The following PDIA6 variants were observed in gnomAD, a reference collection of about 807,000 sequenced individuals.
PDIA6 encodes protein disulfide isomerase family A member 6.
In PDIA6, 29 loss-of-function variants were observed where a neutral mutation model predicts 58.4. That is an observed-to-expected ratio of 0.50 (90% CI 0.37 to 0.68). The LOEUF (loss-of-function observed/expected upper bound fraction) is 0.68. Ranked by LOEUF, PDIA6 falls within the 30% of genes least tolerant of loss-of-function variation. The probability of loss-of-function intolerance (pLI) is 0.00; values close to 1 mark genes in which losing one functional copy is unlikely to be tolerated. For synonymous variants in PDIA6, 192 were observed against 202.6 expected, an observed-to-expected ratio of 0.95 and a Z score of 0.44; for missense variants, 480 against 551.0, an observed-to-expected ratio of 0.87 and a Z score of 1.29.
chr2:10,810,105 A>G (rs1666940229), intron 1 of PDIA6: 2 of 597,414 alleles, frequency 3.3e-6, no homozygotes, highest in Non-Finnish European at 6.0e-6. Flanking sequence ...CAAAACAGTA[A>G]CACTTGCGTG....
At chr2:10,818,529 TA>T (rs1278332072) in intron 2 of PDIA6, among the ~76,000 whole-genome samples, 4 of 111,394 alleles carry the variant, frequency 3.6e-5, no homozygotes, top group Admixed American at 8.5e-5. Context: ...TTTATTTATT[TA>T]TTTATTTTGA....
intron 10 of PDIA6, 72 bp downstream of exon 10, chr2:10,788,625 G>T: frequency 9.7e-7 from 1 of 1,028,526 alleles, no homozygotes; most frequent in Middle Eastern, 2.0e-4. Flanking sequence ...CAAAAACACG[G>T]GGGAACCACT....
chr2:10,830,895 C>A (rs1044458470), intron 1 of PDIA6, among the ~76,000 whole-genome samples: 1 of 152,160 alleles, frequency 6.6e-6, no homozygotes. Flanking sequence ...TCTCCTTGGG[C>A]GCTTGGCCAC....
At chr2:10,819,700 A>C (rs1229838645) in intron 1 of PDIA6, among the ~76,000 whole-genome samples, 1 of 151,986 alleles carries the variant, frequency 6.6e-6, no homozygotes, top group Non-Finnish European at 1.5e-5. Flanking sequence ...GGAAAGAGGA[A>C]CCTCCATCCA....
intron 1 of PDIA6, among the ~76,000 whole-genome samples, chr2:10,804,130 G>C (rs1197283952): frequency 6.6e-6 from 1 of 151,536 alleles, no homozygotes; most frequent in Non-Finnish European, 1.5e-5. Context: ...GGATGGTCTC[G>C]ATCTCCTGAC....
intron 1 of PDIA6, among the ~76,000 whole-genome samples, chr2:10,807,521 A>G (rs1558453080): frequency 6.6e-6 from 1 of 151,772 alleles, no homozygotes; most frequent in Admixed American, 6.6e-5. Context: ...CGAAATTTCT[A>G]TCTATTCCTG....
intron 1 of PDIA6, among the ~76,000 whole-genome samples, chr2:10,831,197 G>A (rs1326580656): frequency 6.6e-6 from 1 of 152,216 alleles, no homozygotes; most frequent in Non-Finnish European, 1.5e-5. Flanking sequence ...GTTGATGAGC[G>A]CTGTGACCAC....
chr2:10,810,546 G>C (rs1666960686), intron 1 of PDIA6: 1 of 810,640 alleles, frequency 1.2e-6, no homozygotes, highest in Non-Finnish European at 1.6e-6. Flanking sequence ...TAATGGTGAG[G>C]GACCTTTGTT....
Position 10,812,719 on chromosome 2 carries a change from G to T in PDIA6, c.-23C>A. The T allele has an allele frequency of 6.6e-7, 1 of 1,508,078 alleles. No homozygotes were observed. Among genetic ancestry groups the T allele is most frequent in the Non-Finnish European group, 8.8e-7 (1 of 1,131,032 alleles). 93.4% of individuals were successfully genotyped at this position (1,508,078 alleles called of 1,614,324 possible). ...CATGCCGAGCGCCGGGCTACGTGCA[G>T]TCCCCACCGCCGCCGCCGCTTCAGC... On this transcript the variant is annotated 5_prime_UTR_variant, in exon 1 of 13. The change creates a new upstream start codon in the 5' untranslated region. Transcript: ENST00000272227.
chr2:10,814,801 G>T (rs1667143197), upstream of PDIA6, among the ~76,000 whole-genome samples: 2 of 152,170 alleles, frequency 1.3e-5, no homozygotes, highest in South Asian at 4.1e-4. Context: ...TTTTCTCAGG[G>T]TTGTGAGTTG....
At chr2:10,793,353 C>A in intron 4 of PDIA6, 151 bp from the exon 5 acceptor site, 1 of 596,958 alleles carries the variant, frequency 1.7e-6, no homozygotes, top group South Asian at 2.1e-5. Flanking sequence ...CACACTTTCT[C>A]CCCACAATGC....
In PDIA6 at chr2:10,794,468, C is replaced by CTTT. The variant is rs76574229; in HGVS notation, c.347-1269_347-1267dup. On this transcript the variant is annotated intron_variant, in intron 4 of 12. Coordinates refer to ENST00000272227, the MANE Select transcript of PDIA6 (RefSeq NM_005742.4). ...GTCAAGAAAAAAAAAAAAAATCTTT[C>CTTT]TTTTTTTTTTTTTTTTTTTTTAGAG... Among the ~76,000 whole-genome samples, 233 of 128,726 alleles carry CTTT rather than the reference C, an allele frequency of 1.8e-3. 3 individuals are homozygous for CTTT. The highest frequency in any genetic ancestry group is 7.0e-3 in the African/African-American group (225 of 32,286). The allele number at this position is 128,726 out of a possible 152,430, so 84.4% of individuals were successfully genotyped here.
intron 1 of PDIA6, among the ~76,000 whole-genome samples, chr2:10,831,423 T>G (rs942568749): frequency 6.6e-6 from 1 of 152,184 alleles, no homozygotes; most frequent in South Asian, 2.1e-4. Flanking sequence ...TCCTTCTCCC[T>G]GTAAGCCTCT....
rs571026233 is a variant in PDIA6, at chr2:10,830,008, C to T, written c.-48+2194G>A. Among the ~76,000 whole-genome samples, 6 of 152,344 alleles carry T rather than the reference C, an allele frequency of 3.9e-5. No individual in the cohort carries two copies. The East Asian group carries it at 9.7e-4, about 25-fold the overall frequency. On this transcript the variant is annotated intron_variant, in intron 1 of 13. Transcript: ENST00000381611. ...GGAAGACTTTGCTCTCTGGCTGTCT[C>T]TGCCTAGGATGCTTCTCTGCCCCCC...
upstream of PDIA6, among the ~76,000 whole-genome samples, chr2:10,815,050 A>ACC (rs1667149961): frequency 2.6e-5 from 4 of 152,040 alleles, no homozygotes; most frequent in Admixed American, 2.0e-4. Context: ...CGAGGCACAC[A>ACC]CCCCTGTGAA....
At chr2:10,787,803 G>A (rs550842240) in intron 10 of PDIA6, among the ~76,000 whole-genome samples, 3 of 152,130 alleles carry the variant, frequency 2.0e-5, no homozygotes, top group Non-Finnish European at 4.4e-5. Flanking sequence ...GGTGGCTCAC[G>A]CCTGTGATCC....
At chr2:10,834,721 C>CCCTCCCTTCCCTCCCTCCCTCCTT (rs1303608003), upstream of PDIA6, among the ~76,000 whole-genome samples, 1 of 45,474 alleles carries the variant, frequency 2.2e-5, no homozygotes, top group African/African-American at 8.4e-5. Flanking sequence ...CTCCCTCCCT[C>CCCTCCCTTCCCTCCCTCCCTCCTT]CCTTCCTTCC....
intron 7 of PDIA6, among the ~76,000 whole-genome samples, chr2:10,790,344 A>G (rs1046094390): frequency 1.3e-5 from 2 of 152,180 alleles, no homozygotes; most frequent in Admixed American, 6.6e-5. Flanking sequence ...ACAGAGGTCA[A>G]TTATCAATCA....
intron 5 of PDIA6, among the ~76,000 whole-genome samples, chr2:10,792,344 C>T (rs538800844): frequency 1.3e-5 from 2 of 152,320 alleles, no homozygotes; most frequent in South Asian, 2.1e-4. Context: ...AACACTTAAT[C>T]CTTTTCTTTT....
Sources: gnomAD v4.1 joint callset for allele counts (sites outside exome capture counted in the v4.1 genomes callset) on GRCh38, gnomAD v4.1.1 for gene constraint, MANE v1.5 for transcripts, NCBI Gene and HGNC (gene_info 2026-07-23, HGNC 2026-07-21) for gene names.